The following CERT1 variants were observed in gnomAD, a reference collection of about 807,000 sequenced individuals.
CERT1 encodes the protein ceramide transporter 1.
Under a neutral mutation model 87.9 loss-of-function variants are expected in CERT1, and 31 were observed. The observed-to-expected ratio is 0.35, with a 90% confidence interval of 0.27 to 0.48. CERT1 has a LOEUF of 0.48. Among genes scored for constraint, CERT1 ranks in the 20% least tolerant of loss-of-function variants. The pLI, the probability that CERT1 is intolerant of heterozygous loss-of-function variation, is 0.99. For missense variants in CERT1, 487 were observed against 758.0 expected (o/e 0.64, Z 4.20); for synonymous variants, 289 against 250.9 (o/e 1.15, Z -1.44).
chr5:75,401,258 T>A (rs991221022), intron 9 of CERT1: 2 of 152,162 alleles, frequency 1.3e-5, no homozygotes, highest in African/African-American at 4.8e-5. Flanking sequence ...CCCATGAATA[T>A]TTCTTTTTCT....
chr5:75,457,922 G>A (rs139042677), intron 3 of CERT1, among the ~76,000 whole-genome samples: 101 of 147,760 alleles, frequency 6.8e-4, no homozygotes, highest in African/African-American at 2.4e-3. Flanking sequence ...GTGTGTGTGT[G>A]TGTGGTGTGT....
chr5:75,479,617 T>G (rs543163517), intron 2 of CERT1, among the ~76,000 whole-genome samples: 2 of 152,334 alleles, frequency 1.3e-5, no homozygotes, highest in Non-Finnish European at 2.9e-5. Flanking sequence ...AAAGACGTGA[T>G]CTCACTCTTT....
At chr5:75,439,652 G>A (rs540155668) in intron 3 of CERT1, among the ~76,000 whole-genome samples, 8 of 151,990 alleles carry the variant, frequency 5.3e-5, no homozygotes, top group South Asian at 2.1e-4. Flanking sequence ...TCTGAAACCC[G>A]TAATAAAATC....
At chr5:75,475,675 C>T (rs1479229906) in intron 2 of CERT1, among the ~76,000 whole-genome samples, 1 of 151,738 alleles carries the variant, frequency 6.6e-6, no homozygotes, top group East Asian at 1.9e-4. Flanking sequence ...TGTTTTCCTG[C>T]TTGGGGGCTT....
intron 3 of CERT1, among the ~76,000 whole-genome samples, chr5:75,438,579 A>G (rs1764188541): frequency 1.3e-5 from 2 of 152,180 alleles, no homozygotes; most frequent in Admixed American, 1.3e-4. Context: ...ACAAGAAAAA[A>G]GAAGGTGAAC....
intron 3 of CERT1, among the ~76,000 whole-genome samples, chr5:75,442,503 G>A (rs1764363825): frequency 6.6e-6 from 1 of 152,244 alleles, no homozygotes; most frequent in Non-Finnish European, 1.5e-5. Flanking sequence ...TTACAGGCAA[G>A]AGCCACTGTG....
intron 17 of CERT1, chr5:75,370,241 T>C (rs1462665748): frequency 2.0e-5 from 3 of 152,232 alleles, no homozygotes; most frequent in Admixed American, 6.5e-5. Context: ...CTTTGAACAC[T>C]AGGAGAGAAA....
intron 14 of CERT1, among the ~76,000 whole-genome samples, chr5:75,382,458 T>C (rs1472103912): frequency 3.3e-5 from 5 of 152,058 alleles, no homozygotes; most frequent in Admixed American, 6.6e-5. Flanking sequence ...TCCATTCCTC[T>C]CTCCTCATAC....
At chr5:75,384,568 T>G (rs547608441) in intron 14 of CERT1, 74 bp downstream of exon 14, 30 of 1,035,346 alleles carry the variant, frequency 2.9e-5, no homozygotes, top group Admixed American at 4.5e-5. Context: ...CTCCCCAATT[T>G]TACTTTAGAG....
At chr5:75,483,540 A>G (rs1445071155) in intron 2 of CERT1, among the ~76,000 whole-genome samples, 1 of 152,214 alleles carries the variant, frequency 6.6e-6, no homozygotes, top group African/African-American at 2.4e-5. Flanking sequence ...TAGAACATCA[A>G]GAAGATTTAA....
chr5:75,420,072 G>GT (rs1763305707), intron 5 of CERT1, among the ~76,000 whole-genome samples: 1 of 151,612 alleles, frequency 6.6e-6, no homozygotes, highest in Admixed American at 6.6e-5. Flanking sequence ...TGCCTCCTAG[G>GT]TTCAAGCAAT....
At position 75,495,105 on chromosome 5, in the gene CERT1, C is replaced by T. The variant is rs192030212; in HGVS notation, c.231+10877G>A. On this transcript the variant is annotated intron_variant, in intron 2 of 16. Transcript: ENST00000643780. ...TCATGGCTTCTCAGTCTTTTGGTTC[C>T]GTATAATTAATTTATAAGTAATCTT... Among the ~76,000 whole-genome samples the T allele has an allele frequency of 1.5e-4, 23 of 152,192 alleles. No individual in the cohort carries two copies. The East Asian group carries it at 3.5e-3, about 23-fold the overall frequency.
At chr5:75,454,358 T>C (rs978841168) in intron 3 of CERT1, among the ~76,000 whole-genome samples, 2 of 152,244 alleles carry the variant, frequency 1.3e-5, no homozygotes, top group African/African-American at 4.8e-5. Flanking sequence ...GGTTATATTA[T>C]ACATTATTTT....
rs146053370 is a variant in CERT1, at chr5:75,412,648, A to G, written c.838-1545T>C. ...ACATTTACAACATATGACTGCACTG[A>G]ATACTGAAGGCAATTTTAACATGAT... is the stretch of plus-strand genomic sequence containing the variant. On this transcript the variant is annotated intron_variant, in intron 7 of 16. Transcript: ENST00000643780. 8.1e-4 allele frequency among the ~76,000 whole-genome samples: 123 copies of G among 152,358 alleles called. 4 individuals carry two copies. In the East Asian group the frequency reaches 0.016, roughly 20 times the overall value.
intron 2 of CERT1, among the ~76,000 whole-genome samples, chr5:75,491,672 G>T (rs1473308856): frequency 1.3e-5 from 2 of 152,154 alleles, no homozygotes; most frequent in African/African-American, 4.8e-5. Flanking sequence ...CTGCACTTGA[G>T]TGTGTTACCT....
At chr5:75,498,367 G>C (rs2112450656) in intron 2 of CERT1, among the ~76,000 whole-genome samples, 2 of 152,334 alleles carry the variant, frequency 1.3e-5, no homozygotes, top group Middle Eastern at 6.8e-3. Flanking sequence ...GCATGTCCGA[G>C]ACCTTCATGG....
At chr5:75,411,288 CT>C in intron 7 of CERT1, among the ~76,000 whole-genome samples, 185 bp from the exon 8 acceptor site, 1 of 151,752 alleles carries the variant, frequency 6.6e-6, no homozygotes, top group South Asian at 2.1e-4. Flanking sequence ...CTATAAATTA[CT>C]TACAACCTAC....
chr5:75,408,833 A>G (rs1440849230), intron 8 of CERT1, among the ~76,000 whole-genome samples: 3 of 152,198 alleles, frequency 2.0e-5, no homozygotes, highest in African/African-American at 4.8e-5. Context: ...AAAATGCTCA[A>G]TTACATACAT....
At chr5:75,371,144 T>C (rs537304011) in intron 17 of CERT1, 12 of 152,300 alleles carry the variant, frequency 7.9e-5, no homozygotes, top group Admixed American at 6.5e-4. Context: ...CTTTAAATAC[T>C]GGTTTTAATT....
Sources: gnomAD v4.1 joint callset for allele counts (sites outside exome capture counted in the v4.1 genomes callset) on GRCh38, gnomAD v4.1.1 for gene constraint, MANE v1.5 for transcripts, NCBI Gene and HGNC (gene_info 2026-07-23, HGNC 2026-07-21) for gene names.